Variants in ZNF497 observed in about 807,000 individuals in gnomAD.
The protein encoded by ZNF497 is zinc finger protein 497, also known as zinc finger-like protein.
For missense variants in ZNF497, 930 were observed against 714.0 expected, an observed-to-expected ratio of 1.30 and a Z score of -3.45; for synonymous variants, 422 against 313.7, an observed-to-expected ratio of 1.35 and a Z score of -3.65.
In ZNF497 at chr19:58,356,508, G is replaced by GTGGCTCAGTAGGTTGGAGCGC. The variant is rs2052022327; in HGVS notation, c.1107_1127dup (p.Gln369_Ser375dup). On this transcript the variant is annotated inframe_insertion, in exon 3 of 3. Transcript: ENST00000311044. ...GCTTGGCGCCCGAGTGCGTGCGCCG[G>GTGGCTCAGTAGGTTGGAGCGC]TGGCTCAGTAGGTTGGAGCGCTGGC... is the stretch of plus-strand genomic sequence containing the variant. 1 of 1,550,078 alleles carries GTGGCTCAGTAGGTTGGAGCGC rather than the reference G, an allele frequency of 6.5e-7. No individual in the cohort carries two copies. Among genetic ancestry groups the GTGGCTCAGTAGGTTGGAGCGC allele is most frequent in the Admixed American group, 1.9e-5 (1 of 52,286 alleles).
At chr19:58,362,596 G>C (rs1226735578) in intron 1 of ZNF497, 81 bp downstream of exon 1, 1 of 152,180 alleles carries the variant, frequency 6.6e-6, no homozygotes, top group Non-Finnish European at 1.5e-5. Flanking sequence ...GCCGAGGCCC[G>C]TCCTGCCCCG....
rs777561571 is a variant in ZNF497, at chr19:58,356,833, T to C, written c.803A>G (p.His268Arg). The C allele has an allele frequency of 6.3e-7, 1 of 1,575,660 alleles. No homozygotes were observed. Among genetic ancestry groups the C allele is most frequent in the East Asian group, 2.3e-5 (1 of 43,218 alleles). The change falls in exon 3 of 3, where the codon CAC (histidine) becomes CGC (arginine). Residue 268 changes from histidine (H) to arginine (R), a missense_variant. Coordinates refer to ENST00000311044, the MANE Select transcript of ZNF497 (RefSeq NM_198458.3). Reference protein sequence around the residue: ...SSNLAEHLKIHAGARPHACPD... With the variant: ...SSNLAEHLKIRAGARPHACPD... ...ACAGGCGTGTGGCCGTGCGCCCGCG[T>C]GGATCTTCAGGTGCTCGGCCAGGTT... is the stretch of plus-strand genomic sequence containing the variant.
chr19:58,358,207 C>G (rs1007534736), intron 2 of ZNF497: 2 of 1,289,814 alleles, frequency 1.6e-6, no homozygotes, highest in East Asian at 5.5e-5. Context: ...TGGCTGTTAC[C>G]CAGGCAATGT....
chr19:58,354,384 C>T lies in ZNF497; in HGVS notation c.*1755G>A, dbSNP rs985902860. ...CATTCCACAGGCATTTATTGAGCAT[C>T]TACTGTGTGCCAGATGCAAAGAAGA... On this transcript the variant is annotated 3_prime_UTR_variant, in exon 3 of 3. Transcript: ENST00000311044. The T allele has an allele frequency of 6.6e-6, 1 of 152,384 alleles. No homozygotes were observed. Among genetic ancestry groups the T allele is most frequent in the Non-Finnish European group, 1.5e-5 (1 of 68,156 alleles). 9.4% of individuals were successfully genotyped at this position (152,384 alleles called of 1,614,324 possible). A position where few individuals can be genotyped will look rare whatever the true frequency, so the allele number is the denominator to read the frequency against.
chr19:58,360,132 CAG>C (rs1205364540), intron 1 of ZNF497, among the ~76,000 whole-genome samples: 1 of 152,082 alleles, frequency 6.6e-6, no homozygotes, highest in Non-Finnish European at 1.5e-5. Flanking sequence ...CTGTAAGAGA[CAG>C]AAAGTAGATC....
Position 58,356,998 on chromosome 19 carries a change from G to C in ZNF497, c.638C>G (p.Thr213Arg), listed in dbSNP as rs775744493. Residue 213 changes from threonine (T) to arginine (R), a missense_variant, in exon 3 of 3, where the codon ACG becomes AGG. Thr to Arg is a moderately conservative substitution (Grantham distance 71, BLOSUM62 -1). Transcript: ENST00000311044. ...TTLVQHRRTH[T>R]GEKPYECPEC... is the part of the protein sequence containing the mutation. The stretch of plus-strand genomic sequence containing the variant: ...CGGGCACTCGTAGGGCTTCTCGCCC[G>C]TGTGCGTGCGTCGGTGCTGCACCAG... The C allele has an allele frequency of 1.2e-5, 19 of 1,608,094 alleles. No homozygotes were observed. Among genetic ancestry groups the C allele is most frequent in the African/African-American group, 9.4e-5 (7 of 74,240 alleles).
rs202166882 is a variant in ZNF497 at position 58,356,533 on chromosome 19, C to G, written c.1103G>C (p.Ser368Thr). ...HACAQCGKAFSQRSNLLSHRR... is the reference protein window; with the variant it reads ...HACAQCGKAFTQRSNLLSHRR... ...GTGGCTCAGTAGGTTGGAGCGCTGG[C>G]TGAAGGCCTTGCCGCACTGGGCGCA... The change falls in exon 3 of 3, where the codon AGC (serine) becomes ACC (threonine). Residue 368 changes from serine to threonine, a missense_variant. Ser to Thr is a moderately conservative substitution (Grantham distance 58, BLOSUM62 1). Coordinates refer to ENST00000311044, the MANE Select transcript of ZNF497 (RefSeq NM_198458.3). 3.5e-4 allele frequency: 548 copies of G among 1,549,756 alleles called. 3 individuals carry two copies. In the East Asian group the frequency reaches 0.01, roughly 29 times the overall value.
rs1268943059 is a variant in ZNF497 at position 58,358,370 on chromosome 19, G to A, written c.-15+119C>T. ...CTGTCCAGCCGATCCTTCCCACAGC[G>A]AAGTCTCTACAGCGAGCAAAACCCA... On this transcript the variant is annotated intron_variant, in intron 2 of 2. Transcript: ENST00000311044. 7.4e-6 allele frequency: 9 copies of A among 1,211,394 alleles called. No homozygotes were observed. The South Asian group carries it at 8.1e-5, about 11-fold the overall frequency. 75.0% of individuals were successfully genotyped at this position (1,211,394 alleles called of 1,614,324 possible).
chr19:58,362,628 C>G (rs1460097164), intron 1 of ZNF497, 49 bp downstream of exon 1: 1 of 152,206 alleles, frequency 6.6e-6, no homozygotes, highest in African/African-American at 2.4e-5. Context: ...TGGTTGGAGC[C>G]GGAGGGCGGA....
Position 58,356,713 on chromosome 19 carries a change from C to T in ZNF497, c.923G>A (p.Gly308Glu), listed in dbSNP as rs1263883016. Reference protein sequence around the residue: ...SEKPFPCAECGKAFRESSQLL... With the variant: ...SEKPFPCAECEKAFRESSQLL... The stretch of plus-strand genomic sequence containing the variant: ...CTGCGAGCTCTCGCGGAAAGCCTTT[C>T]CGCACTCGGCGCAGGGGAAGGGCTT... Residue 308 changes from glycine (G) to glutamate (E), a missense_variant, in exon 3 of 3, where the codon GGA (glycine) becomes GAA (glutamate). Coordinates refer to ENST00000311044, the MANE Select transcript of ZNF497 (RefSeq NM_198458.3). The T allele has an allele frequency of 8.9e-6, 14 of 1,568,364 alleles. No individual in the cohort carries two copies. The African/African-American group carries it at 1.1e-4, about 12-fold the overall frequency.
chr19:58,357,481 C>T lies in ZNF497; in HGVS notation c.155G>A (p.Gly52Glu), dbSNP rs550668820. ...ENSTEVPREA[G>E]DGQRQQATLG... ...TGTGGCTTGCTGCCGCTGGCCGTCC[C>T]CTGCCTCCCTCGGAACCTCCGTGGA... Residue 52 changes from glycine to glutamate, a missense_variant, in exon 3 of 3, where the codon GGG (glycine) becomes GAG (glutamate). Coordinates refer to ENST00000311044, the MANE Select transcript of ZNF497 (RefSeq NM_198458.3). The T allele has an allele frequency of 2.5e-6, 4 of 1,594,826 alleles. No homozygotes were observed. The East Asian group carries it at 9.0e-5, about 36-fold the overall frequency.
rs1465219089 is a variant in ZNF497 at position 58,356,670 on chromosome 19, G to A, written c.966C>T (p.Arg322=). 1 of 1,552,992 alleles carries A rather than the reference G, an allele frequency of 6.4e-7. No homozygotes were observed. Among genetic ancestry groups the A allele is most frequent in the Non-Finnish European group, 8.7e-7 (1 of 1,154,802 alleles). ...CGAAGGGCCGCTCACCAGTGTGCGT[G>A]CGCTGGTGCTGCAGGAGCTGCGAGC... ...RESSQLLQHQ[R]THTGERPFEC... Residue 322 remains arginine (R), a synonymous_variant, in exon 3 of 3, where the codon CGC becomes CGT. Coordinates refer to ENST00000311044, the MANE Select transcript of ZNF497 (RefSeq NM_198458.3).
rs952538053 is a variant in ZNF497, at chr19:58,358,264, G to C, written c.-15+225C>G. On this transcript the variant is annotated intron_variant, in intron 2 of 2. Coordinates refer to ENST00000311044, the MANE Select transcript of ZNF497 (RefSeq NM_198458.3). ...GTCAGACCAGGTGGTCCAAGGCATG[G>C]GGTGGCTGTGCAGCCCAGATCCCTG... 3.1e-6 allele frequency: 4 copies of C among 1,289,674 alleles called. No homozygotes were observed. The African/African-American group carries it at 4.6e-5, about 15-fold the overall frequency. 79.9% of individuals were successfully genotyped at this position (1,289,674 alleles called of 1,614,324 possible).
In ZNF497 at chr19:58,356,306, A is replaced by C; in HGVS notation, c.1330T>G (p.Cys444Gly). 3 of 1,585,020 alleles carry C rather than the reference A, an allele frequency of 1.9e-6. No homozygotes were observed. Among genetic ancestry groups the C allele is most frequent in the Non-Finnish European group, 1.7e-6 (2 of 1,167,198 alleles). The change falls in exon 3 of 3, where the codon TGC (cysteine) becomes GGC (glycine). Residue 444 changes from cysteine (C) to glycine (G), a missense_variant. By Grantham distance (159) the Cys-to-Gly change is radical. Transcript: ENST00000311044. ...ACGAAGGCCTTGCTGCAGTGGGCGC[A>C]GACGAACGGCCTCTCGCCAGAGTGC... is the stretch of plus-strand genomic sequence containing the variant. Reference protein sequence around the residue: ...RLHSGERPFVCAHCSKAFVRK... With the variant: ...RLHSGERPFVGAHCSKAFVRK...
Position 58,357,341 on chromosome 19 carries a change from G to A in ZNF497, c.295C>T (p.Pro99Ser), listed in dbSNP as rs745593734. The A allele has an allele frequency of 1.3e-5, 20 of 1,598,486 alleles. No individual in the cohort carries two copies. The highest frequency in any genetic ancestry group is 1.7e-5 in the Non-Finnish European group (20 of 1,173,436). The change falls in exon 3 of 3, where the codon CCT becomes TCT. Residue 99 changes from proline to serine, a missense_variant. Physicochemically the swap from Pro to Ser is moderately conservative, Grantham distance 74 (BLOSUM62 -1). Transcript: ENST00000311044. Reference sequence around the variant, plus strand: ...CGGCAGCCCGGCTCCTCTGGGAGAGGCGAAGGGCGCAACGCCCGGTCTGCA... The same window carrying A: ...CGGCAGCCCGGCTCCTCTGGGAGAGACGAAGGGCGCAACGCCCGGTCTGCA... Reference protein sequence around the residue: ...EPADRALRPSPLPEEPGCRCG... With the variant: ...EPADRALRPSSLPEEPGCRCG...
At position 58,357,201 on chromosome 19, in the gene ZNF497, C is replaced by T. The variant is rs759222898; in HGVS notation, c.435G>A (p.Trp145Ter). Residue 145 changes from tryptophan to a stop codon, truncating the protein, a stop_gained, in exon 3 of 3, where the codon TGG (tryptophan) becomes TGA (stop). Coordinates refer to ENST00000311044, the MANE Select transcript of ZNF497 (RefSeq NM_198458.3). LOFTEE classifies it low-confidence loss of function (END_TRUNC). ...TCPECGKAFA[W>*]SSNLSQHQRI... ...GCTGGTGCTGGCTGAGGTTGGAGCT[C>T]CAGGCGAAGGCCTTGCCGCACTCGG... 3 of 1,613,028 alleles carry T rather than the reference C, an allele frequency of 1.9e-6. No individual in the cohort carries two copies. The Admixed American group carries it at 5.0e-5, about 27-fold the overall frequency.
intron 1 of ZNF497, among the ~76,000 whole-genome samples, chr19:58,360,187 C>A (rs371079612): frequency 3.3e-5 from 5 of 152,156 alleles, no homozygotes; most frequent in East Asian, 1.9e-4. Context: ...ATGGGAGATA[C>A]AGCCGTGGGA....
intron 1 of ZNF497, chr19:58,359,022 A>G (rs771904889): frequency 8.0e-5 from 41 of 515,174 alleles, no homozygotes; most frequent in South Asian, 4.7e-4. Context: ...AGTGTGCCCA[A>G]TAACTGCTCC....
At position 58,355,170 on chromosome 19, in the gene ZNF497, T is replaced by A. The variant is rs574509623; in HGVS notation, c.*969A>T. 6.6e-6 allele frequency: 1 copy of A among 152,428 alleles called. No individual in the cohort carries two copies. The highest frequency in any genetic ancestry group is 1.5e-5 in the Non-Finnish European group (1 of 68,098). The allele number at this position is 152,428 out of a possible 1,614,324, so 9.4% of individuals were successfully genotyped here. ...CCTCTGTTTGAAATACCTAGTGTGG[T>A]TTCTATTTCCTGACTTGACTCTGAC... On this transcript the variant is annotated 3_prime_UTR_variant, in exon 3 of 3. Transcript: ENST00000311044.
Sources: allele counts gnomAD v4.1 joint callset (sites outside exome capture counted in the v4.1 genomes callset), GRCh38; gene constraint gnomAD v4.1.1; transcripts MANE v1.5; gene names NCBI Gene and HGNC (gene_info 2026-07-23, HGNC 2026-07-21).